The following ADD1 variants were observed in gnomAD, a reference collection of about 807,000 sequenced individuals.
ADD1 encodes alpha-adducin.
ADD1 carries 24 observed loss-of-function variants against 80.5 expected under a neutral mutation model. The ratio of observed to expected loss-of-function variants is 0.30; its 90% CI spans 0.22 to 0.42. ADD1 has a LOEUF of 0.42. Ranked by LOEUF, ADD1 falls within the 10% of genes least tolerant of loss-of-function variation. The pLI is 1.00. For synonymous variants in ADD1, 373 were observed against 393.8 expected, an observed-to-expected ratio of 0.95 and a Z score of 0.63; for missense variants, 948 against 1,019.0, an observed-to-expected ratio of 0.93 and a Z score of 0.95.
At chr4:2,876,442 T>G (rs76426949) in intron 2 of ADD1, 1 of 164,632 alleles carries the variant, frequency 6.1e-6, no homozygotes, top group African/African-American at 2.4e-5. Context: ...CGGCTCAAGC[T>G]TGTAATCCCA....
intron 9 of ADD1, 33 bp from the exon 10 acceptor site, chr4:2,904,731 T>C (rs968262869): frequency 8.2e-6 from 13 of 1,577,628 alleles, no homozygotes; most frequent in Non-Finnish European, 1.1e-5. Flanking sequence ...AGATCTGGAA[T>C]ATTGACTGTC....
chr4:2,908,441 G>A, intron 11 of ADD1, 74 bp from the exon 12 acceptor site: 4 of 1,356,598 alleles, frequency 2.9e-6, no homozygotes, highest in Non-Finnish European at 4.2e-6. Flanking sequence ...GGGCCCAAGT[G>A]CACAAGCAGC....
At chr4:2,915,970 C>T (rs1038577176) in intron 14 of ADD1, among the ~76,000 whole-genome samples, 10 of 152,026 alleles carry the variant, frequency 6.6e-5, no homozygotes, top group African/African-American at 1.4e-4. Context: ...AGGCTGACCC[C>T]GAAGATGTCC....
rs368174584 is a variant in ADD1, at chr4:2,907,238, C to T, written c.1507-505C>T. ...TGGGTTGAAAGTTACGCAGACAGTG[C>T]ATTCTGATGCTGTCATTTACTTTAA... On this transcript the variant is annotated intron_variant, in intron 10 of 15. Coordinates refer to ENST00000683351, the MANE Select transcript of ADD1 (RefSeq NM_001354761.2). 57 of 154,048 alleles carry T rather than the reference C, an allele frequency of 3.7e-4. No homozygotes were observed. The East Asian group carries it at 9.7e-3, about 26-fold the overall frequency. 9.5% of individuals were successfully genotyped at this position (154,048 alleles called of 1,614,324 possible).
chr4:2,910,526 C>T (rs147330105), intron 13 of ADD1, among the ~76,000 whole-genome samples: 221 of 152,278 alleles, frequency 1.5e-3, no homozygotes, highest in Non-Finnish European at 2.6e-3. Flanking sequence ...TCTTTTGGCA[C>T]TTTGTTGCGG....
intron 12 of ADD1, chr4:2,908,960 T>C (rs747051705): frequency 1.6e-4 from 69 of 440,734 alleles, no homozygotes; most frequent in Non-Finnish European, 2.4e-4. Flanking sequence ...CTGGTACATA[T>C]TGCTGTCTGC....
chr4:2,894,124 A>G, intron 5 of ADD1, 31 bp downstream of exon 5: 2 of 1,557,904 alleles, frequency 1.3e-6, no homozygotes, highest in Non-Finnish European at 1.8e-6. Flanking sequence ...GGCAGCTTGT[A>G]TGTGCAGGTC....
In ADD1 at chr4:2,881,899, C is replaced by T; in HGVS notation, c.197C>T (p.Ala66Val). 1.3e-6 allele frequency: 2 copies of T among 1,589,802 alleles called. No homozygotes were observed. The highest frequency in any genetic ancestry group is 1.4e-5 in the African/African-American group (1 of 73,534). ...KRVSMILQSP[A>V]FCEELESMIQ... The stretch of plus-strand genomic sequence containing the variant: ...CAGTGTTTTAATATTTTTTATTAGG[C>T]TTTCTGTGAAGAATTGGAATCAATG... Residue 66 changes from alanine (A) to valine (V), a missense_variant and splice_region_variant, in exon 3 of 16, where the codon GCT (alanine) becomes GTT (valine). Ala to Val is a moderately conservative substitution (Grantham distance 64). Coordinates refer to ENST00000683351, the MANE Select transcript of ADD1 (RefSeq NM_001354761.2).
chr4:2,869,694 C>T (rs139543583), intron 1 of ADD1, among the ~76,000 whole-genome samples: 60 of 152,270 alleles, frequency 3.9e-4, no homozygotes, highest in African/African-American at 1.3e-3. Flanking sequence ...TTGTTATCTC[C>T]TGCTCTTCGT....
rs1031287304 is a variant in ADD1 at position 2,855,635 on chromosome 4, C to CT, written c.-21+11622dup. Among the ~76,000 whole-genome samples, 187 of 145,850 alleles carry CT rather than the reference C, an allele frequency of 1.3e-3. 1 individual carries two copies. The highest frequency in any genetic ancestry group is 3.6e-3 in the Admixed American group (52 of 14,502). On this transcript the variant is annotated intron_variant, in intron 1 of 15. Coordinates refer to ENST00000683351, the MANE Select transcript of ADD1 (RefSeq NM_001354761.2). ...CTGTTGTTCAGTGTTTTAGTCCAGA[C>CT]TTTTTTTTTTTCTTTTTAAAGAGAC...
chr4:2,873,812 C>G lies in ADD1; in HGVS notation c.-20-2084C>G, dbSNP rs114824780. On this transcript the variant is annotated intron_variant, in intron 1 of 15. Coordinates refer to ENST00000683351, the MANE Select transcript of ADD1 (RefSeq NM_001354761.2). ...AATGAGGAAATATTGCCAGATAACT[C>G]TTATTGTTTTGTTCTTTGGTCATTC... 2.4e-3 allele frequency among the ~76,000 whole-genome samples: 362 copies of G among 152,296 alleles called. 4 individuals are homozygous for G. Among genetic ancestry groups the G allele is most frequent in the African/African-American group, 8.4e-3 (347 of 41,552 alleles).
intron 1 of ADD1, among the ~76,000 whole-genome samples, chr4:2,855,471 A>G (rs1422240070): frequency 6.6e-6 from 1 of 151,400 alleles, no homozygotes; most frequent in Non-Finnish European, 1.5e-5. Flanking sequence ...TACTCTTAAT[A>G]TTCTTTTAGT....
At chr4:2,896,626 A>T (rs919779773) in intron 6 of ADD1, among the ~76,000 whole-genome samples, 2 of 152,024 alleles carry the variant, frequency 1.3e-5, no homozygotes, top group African/African-American at 4.8e-5. Flanking sequence ...TAGATACATC[A>T]TTGTGTGAAT....
At chr4:2,867,036 A>C (rs983636438) in intron 1 of ADD1, among the ~76,000 whole-genome samples, 1 of 152,196 alleles carries the variant, frequency 6.6e-6, no homozygotes, top group Non-Finnish European at 1.5e-5. Flanking sequence ...ACGCCACTGC[A>C]CTTCAGCCTG....
chr4:2,898,850 C>G, intron 8 of ADD1: 2 of 400,794 alleles, frequency 5.0e-6, no homozygotes, highest in Non-Finnish European at 4.6e-6. Context: ...TCACGTGACC[C>G]CCACAGTACT....
intron 4 of ADD1, 98 bp downstream of exon 4, chr4:2,884,764 T>G: frequency 7.2e-7 from 1 of 1,380,866 alleles, no homozygotes; most frequent in Non-Finnish European, 9.7e-7. Flanking sequence ...CAGGCTGAGC[T>G]TCAGTAAGTC....
rs1735755748 is a variant in ADD1, at chr4:2,899,179, A to G, written c.985-80A>G. ...CTCTAGAGATTTGGTTTCTTTTGAAACCTACATTTTTATTCAAGTCATCTG... is the reference window on the plus strand; with the variant it reads ...CTCTAGAGATTTGGTTTCTTTTGAAGCCTACATTTTTATTCAAGTCATCTG... On this transcript the variant is annotated intron_variant, in intron 8 of 15. Coordinates refer to ENST00000683351, the MANE Select transcript of ADD1 (RefSeq NM_001354761.2). 14 of 1,423,322 alleles carry G rather than the reference A, an allele frequency of 9.8e-6. No homozygotes were observed. The South Asian group carries it at 1.4e-4, about 14-fold the overall frequency. 88.2% of individuals were successfully genotyped at this position (1,423,322 alleles called of 1,614,324 possible).
At position 2,928,741 on chromosome 4, in the gene ADD1, T is replaced by C; in HGVS notation, c.*218T>C. On this transcript the variant is annotated 3_prime_UTR_variant, in exon 16 of 16. Transcript: ENST00000683351. ...CCCCTTGTCCTCTCAGAGCCTCAGC[T>C]TCTGGGGGAGACATGCTCTCCCCAC... 1 of 526,990 alleles carries C rather than the reference T, an allele frequency of 1.9e-6. No homozygotes were observed. Among genetic ancestry groups the C allele is most frequent in the Admixed American group, 4.1e-5 (1 of 24,482 alleles). 32.6% of individuals were successfully genotyped at this position (526,990 alleles called of 1,614,324 possible). A position where few individuals can be genotyped will look rare whatever the true frequency, so the allele number is the denominator to read the frequency against.
intron 1 of ADD1, among the ~76,000 whole-genome samples, chr4:2,870,105 A>G (rs969899519): frequency 6.6e-6 from 1 of 152,202 alleles, no homozygotes; most frequent in Non-Finnish European, 1.5e-5. Context: ...AATGCTGGGA[A>G]TAGTTACCCT....
Sources: allele counts gnomAD v4.1 joint callset (sites outside exome capture counted in the v4.1 genomes callset), GRCh38; gene constraint gnomAD v4.1.1; transcripts MANE v1.5; gene names NCBI Gene and HGNC (gene_info 2026-07-23, HGNC 2026-07-21).